The following REV1 variants were observed in gnomAD, a reference collection of about 807,000 sequenced individuals.
The protein encoded by REV1 is translesion synthesis protein REV1.
Under a neutral mutation model 137.4 loss-of-function variants are expected in REV1, and 42 were observed. That is an observed-to-expected ratio of 0.31 (90% confidence interval 0.24 to 0.40). The LOEUF (loss-of-function observed/expected upper bound fraction) is 0.40. Ranked by LOEUF, REV1 falls within the 10% of genes least tolerant of loss-of-function variation. The pLI is 1.00. For missense variants in REV1, 1,282 were observed against 1,490.1 expected (o/e 0.86, Z 2.30); for synonymous variants, 524 against 519.2 (o/e 1.01, Z -0.12).
intron 9 of REV1, among the ~76,000 whole-genome samples, chr2:99,428,728 G>A (rs1361446848): frequency 6.6e-6 from 1 of 152,160 alleles, no homozygotes; most frequent in African/African-American, 2.4e-5. Flanking sequence ...AGGCACAGTG[G>A]CTCACGCCTG....
Position 99,401,134 on chromosome 2 carries a change from A to G in REV1, c.*107T>C, listed in dbSNP as rs558803639. 2 of 597,416 alleles carry G rather than the reference A, an allele frequency of 3.3e-6. No individual in the cohort carries two copies. The highest frequency in any genetic ancestry group is 6.4e-5 in the South Asian group (2 of 31,240). 37.0% of individuals were successfully genotyped at this position (597,416 alleles called of 1,614,324 possible). On this transcript the variant is annotated 3_prime_UTR_variant, in exon 23 of 23. Transcript: ENST00000258428. Reference sequence around the variant, plus strand: ...ATGTACAAAACACTTGCTTTAAAAGAAATTTAAAATTATAAAAACTCCGAG... The same window carrying G: ...ATGTACAAAACACTTGCTTTAAAAGGAATTTAAAATTATAAAAACTCCGAG...
At chr2:99,435,181 C>A (rs1680582974) in intron 7 of REV1, among the ~76,000 whole-genome samples, 1 of 152,124 alleles carries the variant, frequency 6.6e-6, no homozygotes, top group Admixed American at 6.5e-5. Context: ...AAAATAAAGT[C>A]CTGGTTTTAA....
At chr2:99,435,060 C>T (rs3792146) in intron 7 of REV1, among the ~76,000 whole-genome samples, 93,391 of 151,978 alleles carry the variant, frequency 0.61, 29,466 homozygotes, top group African/African-American at 0.74. Flanking sequence ...ATGCATTATT[C>T]TGAGGACCAA....
intron 1 of REV1, among the ~76,000 whole-genome samples, chr2:99,481,524 A>G (rs1686607703): frequency 6.6e-6 from 1 of 152,202 alleles, no homozygotes; most frequent in Admixed American, 6.5e-5. Flanking sequence ...GCTGTCATAA[A>G]TTGAGCAAGT....
At chr2:99,468,153 C>A (rs1418661209) in intron 1 of REV1, among the ~76,000 whole-genome samples, 2 of 150,758 alleles carry the variant, frequency 1.3e-5, no homozygotes, top group African/African-American at 2.4e-5. Flanking sequence ...GGACTCCAGC[C>A]TGGGCAACAA....
At chr2:99,405,325 G>C (rs963347488) in intron 17 of REV1, 2 of 152,530 alleles carry the variant, frequency 1.3e-5, no homozygotes, top group Non-Finnish European at 2.9e-5. Flanking sequence ...GGTATCTGTC[G>C]CCATACAAGC....
At chr2:99,426,181 C>T (rs1460185015) in intron 9 of REV1, among the ~76,000 whole-genome samples, 2 of 151,400 alleles carry the variant, frequency 1.3e-5, no homozygotes, top group African/African-American at 4.9e-5. Context: ...CCTGTCTCTA[C>T]TAAAAATACA....
intron 15 of REV1, among the ~76,000 whole-genome samples, chr2:99,407,707 T>C (rs1321908217): frequency 2.6e-4 from 39 of 152,146 alleles, no homozygotes; most frequent in Non-Finnish European, 4.4e-5. Flanking sequence ...AACTTAAAGG[T>C]ACAAAATTTA....
intron 15 of REV1, 48 bp from the exon 16 acceptor site, chr2:99,406,538 A>C: frequency 1.4e-6 from 2 of 1,441,796 alleles, no homozygotes; most frequent in Non-Finnish European, 1.9e-6. Context: ...TAAAGTGAAA[A>C]TATGAATTCA....
chr2:99,473,171 G>A (rs1398166878), intron 1 of REV1, among the ~76,000 whole-genome samples: 1 of 152,042 alleles, frequency 6.6e-6, no homozygotes, highest in African/African-American at 2.4e-5. Context: ...TTTGAGACCA[G>A]CTTGACCAAT....
intron 8 of REV1, 150 bp downstream of exon 8, chr2:99,434,182 C>CAA (rs1680450125): frequency 2.1e-6 from 1 of 476,798 alleles, no homozygotes; most frequent in East Asian, 3.2e-5. Context: ...TCCAATTCAA[C>CAA]AAAACCTAAC....
rs530712598 is a variant in REV1, at chr2:99,404,488, T to C, written c.3001A>G (p.Ser1001Gly). The C allele has an allele frequency of 2.5e-6, 4 of 1,614,068 alleles. No individual in the cohort carries two copies. The highest frequency in any genetic ancestry group is 3.3e-5 in the Admixed American group (2 of 60,002). Residue 1001 changes from serine to glycine, a missense_variant, in exon 18 of 23, where the codon AGT (serine) becomes GGT (glycine). Ser to Gly is a moderately conservative substitution (Grantham distance 56). Around this residue, in one of 7 missense-constraint regions of REV1, gnomAD observed 135 missense variants for 123.3 expected, o/e 1.10. Coordinates refer to ENST00000258428, the MANE Select transcript of REV1 (RefSeq NM_016316.4). The part of the protein sequence containing the change: ...LQIPEPQESN[S>G]DAGINLIALP... ...GCTATTAAATTTATTCCTGCGTCACTGTTCGATTCTTGAGGTTCTGGTATT... is the reference window on the plus strand; with the variant it reads ...GCTATTAAATTTATTCCTGCGTCACCGTTCGATTCTTGAGGTTCTGGTATT...
chr2:99,426,023 C>A (rs959192612), intron 9 of REV1, among the ~76,000 whole-genome samples: 1 of 149,708 alleles, frequency 6.7e-6, no homozygotes, highest in Admixed American at 6.7e-5. Flanking sequence ...GCAACAAGAG[C>A]GAAACTCCAT....
At chr2:99,489,365 GA>G (rs1490960670) in intron 1 of REV1, among the ~76,000 whole-genome samples, 18 of 152,218 alleles carry the variant, frequency 1.2e-4, no homozygotes, top group African/African-American at 4.3e-4. Flanking sequence ...CTTGTGGAAC[GA>G]ACGCCCGAAC....
At position 99,412,791 on chromosome 2, in the gene REV1, T is replaced by G; in HGVS notation, c.2112A>C (p.Arg704=). 1 of 1,614,202 alleles carries G rather than the reference T, an allele frequency of 6.2e-7. No homozygotes were observed. The highest frequency in any genetic ancestry group is 8.5e-7 in the Non-Finnish European group (1 of 1,180,024). ...FCRGLDDRPV[R]TEKERKSVSA... The stretch of plus-strand genomic sequence containing the variant: ...AAACAGATTTTCTTTCCTTTTCAGT[T>G]CGAACTGGTCTATCATCCAAGCCAC... The change falls in exon 13 of 23, where the codon CGA becomes CGC. Residue 704 remains arginine (R), a synonymous_variant. Coordinates refer to ENST00000258428, the MANE Select transcript of REV1 (RefSeq NM_016316.4).
At chr2:99,451,198 C>A in intron 3 of REV1, 1 of 361,598 alleles carries the variant, frequency 2.8e-6, no homozygotes, top group Non-Finnish European at 4.2e-6. Context: ...TCACAGAAAT[C>A]TAAAAAATTA....
rs974936562 is a variant in REV1 at position 99,474,825 on chromosome 2, G to A, written c.-10-9840C>T. 7.2e-5 allele frequency among the ~76,000 whole-genome samples: 11 copies of A among 152,000 alleles called. No homozygotes were observed. In the South Asian group the frequency reaches 1.7e-3, roughly 23 times the overall value. On this transcript the variant is annotated intron_variant, in intron 1 of 22. Coordinates refer to ENST00000258428, the MANE Select transcript of REV1 (RefSeq NM_016316.4). ...ACTGAGGCACGACAATCACTTGAAC[G>A]CGGTAGGCAGAGGTTGCAATGAGCC...
intron 9 of REV1, among the ~76,000 whole-genome samples, chr2:99,427,999 T>C (rs1463671180): frequency 6.6e-6 from 1 of 152,092 alleles, no homozygotes; most frequent in Non-Finnish European, 1.5e-5. Context: ...GCCTAGTGCC[T>C]ACACACAATT....
intron 1 of REV1, 122 bp from the exon 2 acceptor site, chr2:99,465,107 C>T: frequency 1.8e-6 from 1 of 566,314 alleles, no homozygotes; most frequent in Non-Finnish European, 2.9e-6. Context: ...TGAAAGTATA[C>T]AATATTAAGT....
Sources: allele counts gnomAD v4.1 joint callset (sites outside exome capture counted in the v4.1 genomes callset), GRCh38; gene constraint gnomAD v4.1.1; regional missense constraint gnomAD v4.1.1; transcripts MANE v1.5; gene names NCBI Gene and HGNC (gene_info 2026-07-23, HGNC 2026-07-21).